Variants in CPQ observed in about 807,000 individuals in gnomAD.
The protein encoded by CPQ is carboxypeptidase Q.
A neutral mutation model predicts 45.7 loss-of-function variants in CPQ; 37 were observed. The ratio of observed to expected loss-of-function variants is 0.81; its 90% CI spans 0.62 to 1.07. CPQ has a LOEUF of 1.07. Among genes scored for constraint, CPQ ranks in the 50% least tolerant of loss-of-function variants. The probability of loss-of-function intolerance (pLI) is 0.00; values close to 1 mark genes in which losing one functional copy is unlikely to be tolerated. For synonymous variants in CPQ, 186 were observed against 205.8 expected (o/e 0.90, Z 0.82); for missense variants, 537 against 572.9 (o/e 0.94, Z 0.64).
intron 1 of CPQ, among the ~76,000 whole-genome samples, chr8:96,710,730 T>C (rs1809596288): frequency 6.6e-6 from 1 of 152,216 alleles, no homozygotes; most frequent in Non-Finnish European, 1.5e-5. Context: ...GATTTCAGTT[T>C]TAAAAAACTT....
intron 1 of CPQ, among the ~76,000 whole-genome samples, chr8:96,646,814 C>A (rs956596530): frequency 1.3e-5 from 2 of 152,198 alleles, no homozygotes; most frequent in African/African-American, 4.8e-5. Flanking sequence ...TACTTCACCT[C>A]CCATAGCATT....
chr8:96,669,026 G>A (rs574222739), intron 1 of CPQ, among the ~76,000 whole-genome samples: 1 of 152,348 alleles, frequency 6.6e-6, no homozygotes, highest in South Asian at 2.1e-4. Flanking sequence ...CAAAGACTGA[G>A]TGGATATCTT....
chr8:97,138,279 G>A (rs915051599), intron 7 of CPQ, among the ~76,000 whole-genome samples: 8 of 152,100 alleles, frequency 5.3e-5, no homozygotes, highest in Admixed American at 3.3e-4. Context: ...TGTTCATCTG[G>A]AATACCTGTG....
chr8:96,956,897 A>C (rs1310789219), intron 4 of CPQ, among the ~76,000 whole-genome samples: 1 of 152,200 alleles, frequency 6.6e-6, no homozygotes, highest in East Asian at 1.9e-4. Flanking sequence ...TAAAAGGATT[A>C]AAAGCTAGAG....
rs1306450410 is a variant in CPQ, at chr8:96,834,973, G to A, written c.434G>A (p.Gly145Asp). 6.2e-7 allele frequency: 1 copy of A among 1,610,658 alleles called. No individual in the cohort carries two copies. The highest frequency in any genetic ancestry group is 8.5e-7 in the Non-Finnish European group (1 of 1,178,560). The change falls in exon 3 of 8, where the codon GGC becomes GAC. Residue 145 changes from glycine to aspartate, a missense_variant and splice_region_variant. Gly to Asp is a moderately conservative substitution (Grantham distance 94, BLOSUM62 -1). Coordinates refer to ENST00000220763, the MANE Select transcript of CPQ (RefSeq NM_016134.4). ...LGSSIGTPPE[G>D]ITAEVLVVTS... ...AATCTTGCATGACTTTTATTTCTAG[G>A]CATTACAGCAGAAGTTCTGGTGGTG...
At chr8:97,050,224 T>C (rs1810336725) in intron 6 of CPQ, among the ~76,000 whole-genome samples, 1 of 152,190 alleles carries the variant, frequency 6.6e-6, no homozygotes, top group East Asian at 1.9e-4. Flanking sequence ...CATCAAAATA[T>C]AATGAAGAAT....
intron 1 of CPQ, among the ~76,000 whole-genome samples, chr8:96,735,569 A>T (rs989014788): frequency 6.6e-6 from 1 of 152,202 alleles, no homozygotes. Context: ...ACTTCTTTGG[A>T]CTGTGTCCCC....
chr8:97,137,232 G>A (rs1812075318), intron 7 of CPQ, among the ~76,000 whole-genome samples: 1 of 152,148 alleles, frequency 6.6e-6, no homozygotes, highest in African/African-American at 2.4e-5. Context: ...AAGAGGGCAT[G>A]GACAAATATT....
At chr8:96,920,694 G>T (rs1812794436) in intron 4 of CPQ, among the ~76,000 whole-genome samples, 1 of 152,100 alleles carries the variant, frequency 6.6e-6, no homozygotes, top group African/African-American at 2.4e-5. Context: ...TTAGGGTGGG[G>T]TCTGCTTCAA....
chr8:96,865,128 A>G (rs1432183939), intron 3 of CPQ, among the ~76,000 whole-genome samples: 1 of 152,070 alleles, frequency 6.6e-6, no homozygotes, highest in Non-Finnish European at 1.5e-5. Context: ...GAACATGGCC[A>G]GGGAGTGGTG....
intron 5 of CPQ, among the ~76,000 whole-genome samples, chr8:97,009,396 T>C (rs917754904): frequency 1.3e-5 from 2 of 152,160 alleles, no homozygotes; most frequent in African/African-American, 4.8e-5. Flanking sequence ...GTCCTTATTG[T>C]AGAAGGTAGG....
intron 4 of CPQ, among the ~76,000 whole-genome samples, chr8:96,947,305 G>A (rs748339974): frequency 6.6e-6 from 1 of 152,156 alleles, no homozygotes; most frequent in Non-Finnish European, 1.5e-5. Flanking sequence ...TTATAATGGA[G>A]TAGGCTATAT....
intron 7 of CPQ, among the ~76,000 whole-genome samples, chr8:97,124,502 T>C (rs1231694535): frequency 6.6e-6 from 1 of 152,142 alleles, no homozygotes; most frequent in Non-Finnish European, 1.5e-5. Flanking sequence ...CATGGGGTAT[T>C]CACCATGATA....
At chr8:97,029,614 G>T in intron 6 of CPQ, 120 bp downstream of exon 6, 1 of 823,976 alleles carries the variant, frequency 1.2e-6, no homozygotes, top group Non-Finnish European at 2.0e-6. Flanking sequence ...AAACACCCTT[G>T]TATGAGCCTT....
rs373209853 is a variant in CPQ at position 96,743,735 on chromosome 8, A to G, written c.-34-41129A>G. Among the ~76,000 whole-genome samples, 1,345 of 152,162 alleles carry G rather than the reference A, an allele frequency of 8.8e-3. 16 individuals are homozygous for G. The highest frequency in any genetic ancestry group is 0.028 in the African/African-American group (1,149 of 41,532). On this transcript the variant is annotated intron_variant, in intron 1 of 7. Coordinates refer to ENST00000220763, the MANE Select transcript of CPQ (RefSeq NM_016134.4). ...TGCAGGTCTGTTGGAATACCCTGCC[A>G]TGTGAGGTGTCAGTGTGCCCCTGCT... is the stretch of plus-strand genomic sequence containing the variant.
intron 1 of CPQ, among the ~76,000 whole-genome samples, chr8:96,777,754 ATATATATTTTTTTTTTTTTTT>A (rs1810632414): frequency 8.1e-5 from 1 of 12,316 alleles, no homozygotes; most frequent in South Asian, 4.9e-3. Flanking sequence ...ATATATATAT[ATATATATTTTTTTTTTTTTTT>A]TTTTTTTTTT....
rs1430350489 is a variant in CPQ at position 96,926,564 on chromosome 8, CTCTTCCTCTTCCTCTTCT to C, written c.850-39365_850-39348del. On this transcript the variant is annotated intron_variant, in intron 4 of 7. Transcript: ENST00000220763. The stretch of plus-strand genomic sequence containing the variant: ...CTTCTTCCTCTTCCTCTTCCTCTTC[CTCTTCCTCTTCCTCTTCT>C]TCTTCTTCTTCTTCTTCTTCTTCTT... 2.5e-4 allele frequency among the ~76,000 whole-genome samples: 16 copies of C among 64,274 alleles called. 1 individual carries two copies. The highest frequency in any genetic ancestry group is 3.5e-4 in the Non-Finnish European group (12 of 33,832). The allele number at this position is 64,274 out of a possible 152,430, so 42.2% of individuals were successfully genotyped here.
intron 7 of CPQ, among the ~76,000 whole-genome samples, chr8:97,105,428 G>GT (rs1474829387): frequency 6.6e-6 from 1 of 152,182 alleles, no homozygotes; most frequent in Non-Finnish European, 1.5e-5. Context: ...ATATTCCATT[G>GT]TATGTGTATA....
intron 1 of CPQ, among the ~76,000 whole-genome samples, chr8:96,722,973 CAT>C (rs930194999): frequency 8.5e-4 from 130 of 152,252 alleles, no homozygotes; most frequent in African/African-American, 2.7e-3. Flanking sequence ...TAAGGAAAGA[CAT>C]ATAAATATTT....
Sources: gnomAD v4.1 joint callset for allele counts (sites outside exome capture counted in the v4.1 genomes callset) on GRCh38, gnomAD v4.1.1 for gene constraint, MANE v1.5 for transcripts, NCBI Gene and HGNC (gene_info 2026-07-23, HGNC 2026-07-21) for gene names.